DLGAP1: variants seen among roughly 807,000 people sequenced by gnomAD.
DLGAP1 encodes the protein DLG associated protein 1.
Under a neutral mutation model 90.8 loss-of-function variants are expected in DLGAP1, and 11 were observed. The ratio of observed to expected loss-of-function variants is 0.12; its 90% CI spans 0.08 to 0.20. The LOEUF (loss-of-function observed/expected upper bound fraction) is 0.20, where lower values mean the gene tolerates loss of function less well. DLGAP1 is among the 10% of genes least tolerant of loss of function. The pLI is 1.00. For missense variants in DLGAP1, 1,050 were observed against 1,333.8 expected, an observed-to-expected ratio of 0.79 and a Z score of 3.31; for synonymous variants, 558 against 540.7, an observed-to-expected ratio of 1.03 and a Z score of -0.44.
At chr18:4,351,396 C>T (rs1202746366) in intron 1 of DLGAP1, among the ~76,000 whole-genome samples, 3 of 152,170 alleles carry the variant, frequency 2.0e-5, no homozygotes, top group Middle Eastern at 3.4e-3. Context: ...CTTATCTATT[C>T]TAGGGTCATA....
chr18:3,600,895 T>TAGATAGATATATAG (rs1568279092), intron 7 of DLGAP1, among the ~76,000 whole-genome samples: 2 of 100,402 alleles, frequency 2.0e-5, no homozygotes, highest in Admixed American at 1.0e-4. Flanking sequence ...GATATATAGA[T>TAGATAGATATATAG]ATATATAGAT....
chr18:4,203,882 C>T (rs542218595), intron 1 of DLGAP1, among the ~76,000 whole-genome samples: 90 of 152,332 alleles, frequency 5.9e-4, no homozygotes, highest in African/African-American at 2.1e-3. Flanking sequence ...CAGCTTCCTA[C>T]TCAGCCCGAG....
chr18:3,892,114 AACACACACACAC>A (rs3985698), intron 3 of DLGAP1: 6,997 of 132,348 alleles, frequency 0.053, 330 homozygotes, highest in African/African-American at 0.12. Context: ...TCACCTCTAA[AACACACACACAC>A]ACACACACAC....
intron 7 of DLGAP1, among the ~76,000 whole-genome samples, chr18:3,714,523 G>C (rs574158371): frequency 3.9e-5 from 6 of 152,062 alleles, no homozygotes; most frequent in Non-Finnish European, 8.8e-5. Flanking sequence ...CTAAGCACTA[G>C]GCTGAAAATC....
chr18:3,689,622 T>C (rs78327293), intron 7 of DLGAP1, among the ~76,000 whole-genome samples: 1,849 of 152,292 alleles, frequency 0.012, 13 homozygotes, highest in South Asian at 0.029. Flanking sequence ...AGAACATGAA[T>C]GATGGATTTA....
intron 3 of DLGAP1, among the ~76,000 whole-genome samples, chr18:3,990,015 A>G (rs1364579241): frequency 1.3e-5 from 2 of 152,020 alleles, no homozygotes; most frequent in African/African-American, 4.8e-5. Flanking sequence ...AGAAATAGGA[A>G]CACTTTTACA....
intron 9 of DLGAP1, among the ~76,000 whole-genome samples, chr18:3,545,502 A>G (rs886208829): frequency 2.0e-5 from 3 of 152,168 alleles, no homozygotes; most frequent in Non-Finnish European, 2.9e-5. Flanking sequence ...AGAGGTTGTA[A>G]GATTGAAATA....
chr18:4,435,774 A>T (rs1259615964), intron 1 of DLGAP1, among the ~76,000 whole-genome samples: 3 of 152,202 alleles, frequency 2.0e-5, no homozygotes, highest in African/African-American at 7.2e-5. Context: ...TCTTTCTTTC[A>T]CTTCCCTCTT....
At chr18:4,137,666 T>C (rs894742390) in intron 2 of DLGAP1, among the ~76,000 whole-genome samples, 1 of 152,196 alleles carries the variant, frequency 6.6e-6, no homozygotes. Context: ...CTGTGAAGAA[T>C]ATCTTTGGTA....
chr18:4,166,783 A>G (rs981472641), intron 1 of DLGAP1, among the ~76,000 whole-genome samples: 9 of 152,350 alleles, frequency 5.9e-5, no homozygotes, highest in Admixed American at 3.3e-4. Context: ...AAACACACAA[A>G]AAGATAAATA....
rs549100957 is a variant in DLGAP1 at position 4,159,279 on chromosome 18, G to C, written c.-266-7992C>G. On this transcript the variant is annotated intron_variant, in intron 1 of 12. Transcript: ENST00000315677. ...TTAAACTCAATTGCTTGCAGGGTCTGATACAATCTCCTTGGTTAGGAAGTC... is the reference window on the plus strand; with the variant it reads ...TTAAACTCAATTGCTTGCAGGGTCTCATACAATCTCCTTGGTTAGGAAGTC... Among the ~76,000 whole-genome samples, 3 of 152,282 alleles carry C rather than the reference G, an allele frequency of 2.0e-5. No homozygotes were observed. In the South Asian group the frequency reaches 6.2e-4, roughly 32 times the overall value.
chr18:3,512,822 T>C (rs1201372638), intron 10 of DLGAP1, among the ~76,000 whole-genome samples: 1 of 152,224 alleles, frequency 6.6e-6, no homozygotes, highest in Non-Finnish European at 1.5e-5. Context: ...CTGAATCTAC[T>C]TAAGTGGAAG....
At chr18:4,298,399 G>A (rs1012837777) in intron 1 of DLGAP1, among the ~76,000 whole-genome samples, 1 of 152,182 alleles carries the variant, frequency 6.6e-6, no homozygotes, top group Non-Finnish European at 1.5e-5. Flanking sequence ...TCAGCCCTGG[G>A]GAATAGTTAA....
At chr18:4,317,864 T>G (rs988313954) in intron 1 of DLGAP1, among the ~76,000 whole-genome samples, 3 of 152,226 alleles carry the variant, frequency 2.0e-5, no homozygotes, top group African/African-American at 4.8e-5. Context: ...TCTCTCTTTT[T>G]GAGACAGAAT....
chr18:4,427,349 G>A (rs1250985029), intron 1 of DLGAP1, among the ~76,000 whole-genome samples: 4 of 152,194 alleles, frequency 2.6e-5, no homozygotes, highest in Non-Finnish European at 1.5e-5. Context: ...GGGACTTGGA[G>A]GGATACCTTA....
At chr18:3,558,568 C>T (rs1322370625) in intron 9 of DLGAP1, among the ~76,000 whole-genome samples, 3 of 152,126 alleles carry the variant, frequency 2.0e-5, no homozygotes, top group Non-Finnish European at 4.4e-5. Flanking sequence ...TTGGTAGGTG[C>T]ATACATGTTA....
chr18:3,669,095 T>A (rs1188908871), intron 7 of DLGAP1, among the ~76,000 whole-genome samples: 1 of 151,946 alleles, frequency 6.6e-6, no homozygotes, highest in African/African-American at 2.4e-5. Flanking sequence ...AAGTGATAAG[T>A]GTTTGTTAAA....
At chr18:4,047,783 A>G (rs76438441) in intron 2 of DLGAP1, among the ~76,000 whole-genome samples, 17,787 of 152,182 alleles carry the variant, frequency 0.12, 1,320 homozygotes, top group East Asian at 0.25. Context: ...TTGAGGTTTA[A>G]TGAGAAAGTA....
chr18:3,930,642 CATG>C (rs2072495845), intron 3 of DLGAP1, among the ~76,000 whole-genome samples: 1 of 152,128 alleles, frequency 6.6e-6, no homozygotes, highest in Non-Finnish European at 1.5e-5. Context: ...CCAGGTGCTC[CATG>C]GGCATTGCTC....
Sources: gnomAD v4.1 joint callset for allele counts (sites outside exome capture counted in the v4.1 genomes callset) on GRCh38, gnomAD v4.1.1 for gene constraint, MANE v1.5 for transcripts, NCBI Gene and HGNC (gene_info 2026-07-23, HGNC 2026-07-21) for gene names.